The following CSMD3 variants were observed in gnomAD, a reference collection of about 807,000 sequenced individuals.
CSMD3 encodes CUB and sushi domain-containing protein 3.
In CSMD3, 177 loss-of-function variants were observed where a neutral mutation model predicts 435.2. The observed-to-expected ratio is 0.41, with a 90% CI of 0.36 to 0.46. The LOEUF (loss-of-function observed/expected upper bound fraction) is 0.46. Among genes scored for constraint, CSMD3 ranks in the 20% least tolerant of loss-of-function variants. The pLI is 0.34. For missense variants in CSMD3, 4,265 were observed against 4,504.6 expected, an observed-to-expected ratio of 0.95 and a Z score of 1.52; for synonymous variants, 1,656 against 1,520.5, an observed-to-expected ratio of 1.09 and a Z score of -2.07.
chr8:113,093,212 T>C (rs1304252412), intron 5 of CSMD3, among the ~76,000 whole-genome samples: 3 of 151,810 alleles, frequency 2.0e-5, no homozygotes, highest in African/African-American at 7.3e-5. Context: ...AGGAGAAAAA[T>C]CACAAAATCT....
rs1304705113 is a variant in CSMD3, at chr8:112,223,251, T to C, written c.*1520A>G. 2.6e-6 allele frequency: 1 copy of C among 386,042 alleles called. No individual in the cohort carries two copies. The highest frequency in any genetic ancestry group is 4.5e-5 in the Admixed American group (1 of 22,264). 23.9% of individuals were successfully genotyped at this position (386,042 alleles called of 1,614,324 possible). On this transcript the variant is annotated 3_prime_UTR_variant, in exon 71 of 71. Coordinates refer to ENST00000297405, the MANE Select transcript of CSMD3 (RefSeq NM_198123.2). ...GTATGAATTTCCAAAACAATGTATC[T>C]CAAAGTGGTTTACAAGAAATTCATT...
At chr8:113,267,815 T>TA (rs1419740082) in intron 3 of CSMD3, among the ~76,000 whole-genome samples, 5 of 151,744 alleles carry the variant, frequency 3.3e-5, no homozygotes, top group African/African-American at 4.8e-5. Context: ...TTTGCACAAA[T>TA]AAAAAATAAA....
intron 60 of CSMD3, among the ~76,000 whole-genome samples, 182 bp from the exon 61 acceptor site, chr8:112,263,994 G>T (rs1211706316): frequency 6.6e-6 from 1 of 152,072 alleles, no homozygotes; most frequent in East Asian, 1.9e-4. Flanking sequence ...ATCCCTGCAG[G>T]ATGCAACTTT....
At chr8:112,619,859 A>G (rs1833932748) in intron 22 of CSMD3, among the ~76,000 whole-genome samples, 1 of 152,174 alleles carries the variant, frequency 6.6e-6, no homozygotes, top group African/African-American at 2.4e-5. Flanking sequence ...TCCAGTATCC[A>G]TAATAGTGAG....
chr8:112,888,946 T>A (rs1202054380), intron 10 of CSMD3, among the ~76,000 whole-genome samples: 2 of 151,702 alleles, frequency 1.3e-5, no homozygotes, highest in South Asian at 4.1e-4. Flanking sequence ...TTGGACACAC[T>A]GATTCCCTCA....
At chr8:112,906,353 A>T (rs1435669653) in intron 10 of CSMD3, among the ~76,000 whole-genome samples, 1 of 151,220 alleles carries the variant, frequency 6.6e-6, no homozygotes, top group Non-Finnish European at 1.5e-5. Flanking sequence ...GTGCATCAAA[A>T]ACTTCACCCC....
intron 1 of CSMD3, among the ~76,000 whole-genome samples, chr8:113,321,643 A>G (rs567382034): frequency 6.6e-6 from 1 of 152,328 alleles, no homozygotes; most frequent in East Asian, 1.9e-4. Context: ...GGCATTCAGT[A>G]GAAATTCAGT....
At chr8:113,029,406 A>G (rs541395130) in intron 5 of CSMD3, among the ~76,000 whole-genome samples, 11 of 151,742 alleles carry the variant, frequency 7.2e-5, no homozygotes, top group African/African-American at 2.6e-4. Context: ...ATCCAACAGC[A>G]TATCAAAAAG....
chr8:112,501,186 A>C (rs1821916796), intron 30 of CSMD3, among the ~76,000 whole-genome samples: 1 of 151,964 alleles, frequency 6.6e-6, no homozygotes, highest in Non-Finnish European at 1.5e-5. Flanking sequence ...GCGCCAAATG[A>C]CAAACCCTGG....
intron 38 of CSMD3, among the ~76,000 whole-genome samples, chr8:112,377,054 T>C (rs1487816825): frequency 1.3e-5 from 2 of 152,072 alleles, no homozygotes; most frequent in Non-Finnish European, 2.9e-5. Flanking sequence ...TGCAGGAATT[T>C]GGGAGATGAA....
At chr8:113,254,787 T>C (rs1026102411) in intron 3 of CSMD3, among the ~76,000 whole-genome samples, 1 of 152,206 alleles carries the variant, frequency 6.6e-6, no homozygotes, top group African/African-American at 2.4e-5. Context: ...AATTCTGTTT[T>C]ATCTGAAACT....
chr8:112,374,804 T>TAA (rs1367656327), intron 38 of CSMD3, among the ~76,000 whole-genome samples: 2 of 152,192 alleles, frequency 1.3e-5, no homozygotes, highest in African/African-American at 4.8e-5. Context: ...AAAATACAGT[T>TAA]AACACATTTC....
At chr8:113,274,324 C>T (rs2093553094) in intron 3 of CSMD3, among the ~76,000 whole-genome samples, 1 of 151,914 alleles carries the variant, frequency 6.6e-6, no homozygotes, top group African/African-American at 2.4e-5. Flanking sequence ...TTGATCTGCA[C>T]TCTAGTATGA....
chr8:113,024,668 A>C (rs77058515), intron 5 of CSMD3, among the ~76,000 whole-genome samples: 2 of 152,086 alleles, frequency 1.3e-5, no homozygotes, highest in East Asian at 1.9e-4. Flanking sequence ...GTGATATCTC[A>C]TTGTGGTACT....
At chr8:112,712,290 G>A (rs572299497) in intron 13 of CSMD3, among the ~76,000 whole-genome samples, 3 of 152,186 alleles carry the variant, frequency 2.0e-5, no homozygotes, top group South Asian at 2.1e-4. Flanking sequence ...TTGGGAGAAG[G>A]GGTAATTAAA....
chr8:112,609,132 G>A (rs1210665135), intron 22 of CSMD3, among the ~76,000 whole-genome samples: 1 of 143,442 alleles, frequency 7.0e-6, no homozygotes, highest in Non-Finnish European at 1.5e-5. Context: ...AACCTGGGAG[G>A]CGGAGGTTGC....
At chr8:112,527,569 T>G (rs1482323644) in intron 27 of CSMD3, among the ~76,000 whole-genome samples, 1 of 151,956 alleles carries the variant, frequency 6.6e-6, no homozygotes, top group African/African-American at 2.4e-5. Flanking sequence ...TCAACAAAAT[T>G]GATATTTATA....
chr8:112,869,678 T>C (rs751516620), intron 10 of CSMD3, among the ~76,000 whole-genome samples: 11 of 149,020 alleles, frequency 7.4e-5, no homozygotes, highest in Middle Eastern at 6.8e-3. Context: ...GTTGCAAATA[T>C]ATACCATGGA....
intron 5 of CSMD3, among the ~76,000 whole-genome samples, chr8:113,078,260 A>T (rs2089424795): frequency 6.6e-6 from 1 of 152,114 alleles, no homozygotes; most frequent in East Asian, 1.9e-4. Context: ...GGAATAGGAG[A>T]TATGCTATTT....
Sources: gnomAD v4.1 joint callset for allele counts (sites outside exome capture counted in the v4.1 genomes callset) on GRCh38, gnomAD v4.1.1 for gene constraint, MANE v1.5 for transcripts, NCBI Gene and HGNC (gene_info 2026-07-23, HGNC 2026-07-21) for gene names.